ADAMTSL1: variants seen among roughly 807,000 people sequenced by gnomAD.
The protein encoded by ADAMTSL1 is ADAMTS-like protein 1.
In ADAMTSL1, 126 loss-of-function variants were observed where a neutral mutation model predicts 201.8. The ratio of observed to expected loss-of-function variants is 0.62; its 90% CI spans 0.54 to 0.72. The LOEUF is 0.72. Among genes scored for constraint, ADAMTSL1 ranks in the 30% least tolerant of loss-of-function variants. The pLI, the probability that ADAMTSL1 is intolerant of heterozygous loss-of-function variation, is 0.00. For missense variants in ADAMTSL1, 2,679 were observed against 2,277.8 expected (o/e 1.18, Z -3.59); for synonymous variants, 1,121 against 903.4 (o/e 1.24, Z -4.32).
intron 1 of ADAMTSL1, among the ~76,000 whole-genome samples, chr9:17,960,371 C>A (rs1235725058): frequency 2.6e-5 from 4 of 152,140 alleles, no homozygotes; most frequent in African/African-American, 9.7e-5. Context: ...CGCTAATTTC[C>A]TAGCTAAGGA....
chr9:18,246,247 G>T (rs1831255631), intron 2 of ADAMTSL1, among the ~76,000 whole-genome samples: 1 of 152,048 alleles, frequency 6.6e-6, no homozygotes, highest in Non-Finnish European at 1.5e-5. Context: ...GAATAATTGG[G>T]TTAATTTCTG....
intron 2 of ADAMTSL1, among the ~76,000 whole-genome samples, chr9:18,375,513 C>T (rs1001700137): frequency 2.6e-5 from 4 of 152,050 alleles, no homozygotes; most frequent in East Asian, 1.9e-4. Flanking sequence ...TCATTATACA[C>T]GATCAAACAA....
chr9:17,974,241 G>A (rs1358590680), intron 1 of ADAMTSL1, among the ~76,000 whole-genome samples: 1 of 151,950 alleles, frequency 6.6e-6, no homozygotes, highest in Non-Finnish European at 1.5e-5. Flanking sequence ...GGCAGTTCTG[G>A]CCAGGGCAAT....
chr9:18,185,593 G>C (rs1039115426), intron 2 of ADAMTSL1, among the ~76,000 whole-genome samples: 5 of 152,120 alleles, frequency 3.3e-5, no homozygotes, highest in Non-Finnish European at 7.4e-5. Context: ...CAAAGACATT[G>C]CTACTTGAAT....
intron 2 of ADAMTSL1, among the ~76,000 whole-genome samples, chr9:18,426,885 T>A (rs951170620): frequency 1.2e-4 from 18 of 152,304 alleles, no homozygotes; most frequent in Middle Eastern, 3.4e-3. Flanking sequence ...ATCACTTTAT[T>A]TTTTTCAATG....
At chr9:18,004,381 C>T (rs535946296) in intron 1 of ADAMTSL1, among the ~76,000 whole-genome samples, 45 of 152,090 alleles carry the variant, frequency 3.0e-4, no homozygotes, top group Middle Eastern at 3.4e-3. Flanking sequence ...GCTCCTTCTG[C>T]AGGTGGTAAG....
At chr9:18,057,897 T>C (rs543470001) in intron 1 of ADAMTSL1, among the ~76,000 whole-genome samples, 2 of 152,342 alleles carry the variant, frequency 1.3e-5, no homozygotes, top group African/African-American at 2.4e-5. Context: ...CTCCCTATTA[T>C]CCATCTTTGT....
At chr9:18,415,931 C>G (rs1445380071) in intron 2 of ADAMTSL1, among the ~76,000 whole-genome samples, 1 of 151,994 alleles carries the variant, frequency 6.6e-6, no homozygotes. Context: ...AGGTGATAAT[C>G]TAGAACCCCA....
intron 2 of ADAMTSL1, among the ~76,000 whole-genome samples, chr9:18,446,128 C>A (rs1202639875): frequency 6.6e-6 from 1 of 152,190 alleles, no homozygotes; most frequent in East Asian, 1.9e-4. Flanking sequence ...TGTGCGATTA[C>A]CTCTAGCAGA....
intron 14 of ADAMTSL1, among the ~76,000 whole-genome samples, chr9:18,710,986 A>G (rs924988333): frequency 2.0e-5 from 3 of 152,188 alleles, no homozygotes; most frequent in African/African-American, 7.2e-5. Flanking sequence ...ATATGAAACA[A>G]TCACTAACAG....
chr9:17,942,679 C>T (rs1431015664), intron 1 of ADAMTSL1, among the ~76,000 whole-genome samples: 3 of 152,152 alleles, frequency 2.0e-5, no homozygotes, highest in Non-Finnish European at 4.4e-5. Context: ...TGTGCCCTTG[C>T]TGCTCCCAAC....
intron 5 of ADAMTSL1, among the ~76,000 whole-genome samples, chr9:18,626,805 T>TTTTC (rs750296540): frequency 0.043 from 6,035 of 141,756 alleles, 174 homozygotes; most frequent in Admixed American, 0.084. Flanking sequence ...CCTGTATTTA[T>TTTTC]TTTCTTTCTT....
In ADAMTSL1 at chr9:18,868,342, C is replaced by T. The variant is rs866136364; in HGVS notation, c.4250-19489C>T. 2.6e-5 allele frequency among the ~76,000 whole-genome samples: 4 copies of T among 152,224 alleles called. No individual in the cohort carries two copies. In the Middle Eastern group the frequency reaches 0.014, roughly 518 times the overall value. On this transcript the variant is annotated intron_variant, in intron 23 of 28. Coordinates refer to ENST00000380548, the MANE Select transcript of ADAMTSL1 (RefSeq NM_001040272.6). The stretch of plus-strand genomic sequence containing the variant: ...TGTCCTCATTATGTATTACATTTTC[C>T]TCCTTGACTTGTCGAGTAATATTTG...
chr9:18,741,544 A>G (rs1189578053), intron 15 of ADAMTSL1, among the ~76,000 whole-genome samples: 2 of 152,232 alleles, frequency 1.3e-5, no homozygotes, highest in African/African-American at 4.8e-5. Flanking sequence ...AAACTACTCA[A>G]AAGAACTAAC....
intron 1 of ADAMTSL1, among the ~76,000 whole-genome samples, chr9:17,955,768 A>G (rs1391398931): frequency 2.0e-5 from 3 of 152,170 alleles, no homozygotes; most frequent in Admixed American, 1.3e-4. Flanking sequence ...CTCTTACTGT[A>G]TCTAATTTAT....
At chr9:18,720,538 C>T (rs961717254) in intron 14 of ADAMTSL1, among the ~76,000 whole-genome samples, 13 of 152,108 alleles carry the variant, frequency 8.5e-5, no homozygotes, top group Admixed American at 7.2e-4. Context: ...AATCCCAGCA[C>T]TTTTAGAAGC....
intron 1 of ADAMTSL1, among the ~76,000 whole-genome samples, chr9:17,919,205 G>A (rs1478533844): frequency 6.6e-6 from 1 of 151,016 alleles, no homozygotes; most frequent in African/African-American, 2.4e-5. Context: ...ATGTTGTAGT[G>A]GCAATAGTGA....
intron 1 of ADAMTSL1, among the ~76,000 whole-genome samples, chr9:18,158,098 T>C (rs1376008455): frequency 6.6e-6 from 1 of 151,990 alleles, no homozygotes; most frequent in Non-Finnish European, 1.5e-5. Context: ...GTCCTCCTGC[T>C]CTCTGTATAA....
intron 2 of ADAMTSL1, among the ~76,000 whole-genome samples, chr9:18,410,933 C>T (rs1416070185): frequency 6.6e-6 from 1 of 151,378 alleles, no homozygotes; most frequent in Non-Finnish European, 1.5e-5. Context: ...CCTCCATCTC[C>T]CAGGTTCAAG....
Sources: gnomAD v4.1 joint callset for allele counts (sites outside exome capture counted in the v4.1 genomes callset) on GRCh38, gnomAD v4.1.1 for gene constraint, MANE v1.5 for transcripts, NCBI Gene and HGNC (gene_info 2026-07-23, HGNC 2026-07-21) for gene names.